The following PITRM1 variants were observed in gnomAD, a reference collection of about 807,000 sequenced individuals.
PITRM1 encodes the protein pitrilysin metallopeptidase 1, also known as presequence protease, mitochondrial.
In PITRM1, 100 loss-of-function variants were observed where a neutral mutation model predicts 129.9. That is an observed-to-expected ratio of 0.77 (90% CI 0.65 to 0.91). The LOEUF is 0.91. Ranked by LOEUF, PITRM1 falls within the 40% of genes least tolerant of loss-of-function variation. PITRM1 has a pLI of 0.00. For synonymous variants in PITRM1, 591 were observed against 508.8 expected, an observed-to-expected ratio of 1.16 and a Z score of -2.17; for missense variants, 1,471 against 1,318.3, an observed-to-expected ratio of 1.12 and a Z score of -1.79.
rs575669643 is a variant in PITRM1 at position 3,166,765 on chromosome 10, G to A, written c.266+171C>T. Among the ~76,000 whole-genome samples the A allele has an allele frequency of 3.9e-5, 6 of 152,262 alleles. No individual in the cohort carries two copies. In the East Asian group the frequency reaches 1.2e-3, roughly 29 times the overall value. ...ATACACTTTCTTAAAACATTGAGGG[G>A]TCCTTTATTTATTATTTTTAGCTCA... On this transcript the variant is annotated intron_variant, in intron 3 of 26. Coordinates refer to ENST00000224949, the MANE Select transcript of PITRM1 (RefSeq NM_014889.4).
rs2388556 is a variant in PITRM1, at chr10:3,149,631, C to T, written c.1861G>A (p.Val621Ile). 258,640 of 1,566,790 alleles carry T rather than the reference C, an allele frequency of 0.17. 22,192 individuals are homozygous for T. Among genetic ancestry groups the T allele is most frequent in the Non-Finnish European group, 0.18 (204,718 of 1,159,490 alleles). ...LRPYVPLFCS[V>I]LTKLGCGLLD... ...TGTTGCGACTCGTACTTGGTGAGGA[C>T]GCTGCAGAAGAGGGGCACATAGGGC... The change falls in exon 16 of 27, where the codon GTC (valine) becomes ATC (isoleucine). Residue 621 changes from valine (V) to isoleucine (I), a missense_variant. Coordinates refer to ENST00000224949, the MANE Select transcript of PITRM1 (RefSeq NM_014889.4).
intron 13 of PITRM1, 148 bp from the exon 14 acceptor site, chr10:3,155,877 G>T: frequency 1.1e-6 from 1 of 887,170 alleles, no homozygotes; most frequent in Non-Finnish European, 1.7e-6. Context: ...CACCTCAAGA[G>T]TTGTTTTGCT....
At chr10:3,139,823 G>A (rs1468302901) in intron 24 of PITRM1, among the ~76,000 whole-genome samples, 2 of 152,210 alleles carry the variant, frequency 1.3e-5, no homozygotes, top group African/African-American at 2.4e-5. Flanking sequence ...ACTGCGGCCG[G>A]CTGGCTCCTT....
At chr10:3,169,339 C>G (rs1239866222) in intron 2 of PITRM1, among the ~76,000 whole-genome samples, 3 of 152,174 alleles carry the variant, frequency 2.0e-5, no homozygotes, top group African/African-American at 7.2e-5. Context: ...GCCACGTTCT[C>G]ACACCACCCT....
At chr10:3,160,760 TG>T (rs200849519) in intron 7 of PITRM1, among the ~76,000 whole-genome samples, 51 of 143,532 alleles carry the variant, frequency 3.6e-4, no homozygotes, top group East Asian at 6.0e-4. Flanking sequence ...TTGGTTTTGG[TG>T]GGGGGTTTTT....
chr10:3,158,666 T>TG (rs1345423740), intron 10 of PITRM1, among the ~76,000 whole-genome samples: 2 of 152,198 alleles, frequency 1.3e-5, no homozygotes, highest in Non-Finnish European at 2.9e-5. Flanking sequence ...AATGTCCCCT[T>TG]GGGGGGACAC....
intron 19 of PITRM1, 44 bp from the exon 20 acceptor site, chr10:3,147,294 C>A (rs147021270): frequency 6.5e-6 from 9 of 1,391,786 alleles, no homozygotes; most frequent in Non-Finnish European, 9.2e-6. Context: ...GAGGCTACAA[C>A]AGACCCGCTG....
At chr10:3,145,459 T>C (rs1840754379) in intron 21 of PITRM1, 137 bp downstream of exon 21, 2 of 707,022 alleles carry the variant, frequency 2.8e-6, no homozygotes, top group Non-Finnish European at 4.6e-6. Context: ...TGAACCTCAG[T>C]TTCTTCATCT....
In PITRM1 at chr10:3,148,069, C is replaced by T. The variant is rs762256977; in HGVS notation, c.1993-6G>A. 1.2e-6 allele frequency: 2 copies of T among 1,613,636 alleles called. No individual in the cohort carries two copies. The highest frequency in any genetic ancestry group is 1.7e-6 in the Non-Finnish European group (2 of 1,179,704). ...AGAGAGGAGAAAAGCACACCCTGAA[C>T]CAAAGAAAACACAGAAGAAAGGAAT... On this transcript the variant is annotated splice_polypyrimidine_tract_variant and splice_region_variant and intron_variant, in intron 17 of 26. Transcript: ENST00000224949.
chr10:3,155,702 T>A lies in PITRM1; in HGVS notation c.1510A>T (p.Met504Leu). 1.2e-6 allele frequency: 2 copies of A among 1,613,888 alleles called. No homozygotes were observed. Among genetic ancestry groups the A allele is most frequent in the Non-Finnish European group, 1.7e-6 (2 of 1,179,886 alleles). ...KNNQHKLTLS[M>L]RPDDKYHEKQ... ...TCGTGATACTTGTCATCTGGCCTCA[T>A]CGATAAAGTCAGCTTATGCTGGTTA... is the stretch of plus-strand genomic sequence containing the variant. The change falls in exon 14 of 27, where the codon ATG becomes TTG. Residue 504 changes from methionine to leucine, a missense_variant. Transcript: ENST00000224949.
At chr10:3,160,914 C>T (rs1327599463) in intron 7 of PITRM1, among the ~76,000 whole-genome samples, 1 of 152,204 alleles carries the variant, frequency 6.6e-6, no homozygotes, top group Admixed American at 6.6e-5. Context: ...GTGCCCACCA[C>T]CATGCCCAGC....
chr10:3,157,293 T>C (rs1000547062), intron 12 of PITRM1, 142 bp downstream of exon 12: 1 of 635,696 alleles, frequency 1.6e-6, no homozygotes, highest in African/African-American at 1.9e-5. Flanking sequence ...GTTTAGGAAA[T>C]AACCAACAGA....
rs568657973 is a variant in PITRM1 at position 3,148,281 on chromosome 10, C to G, written c.1882G>C (p.Gly628Arg). 6.2e-7 allele frequency: 1 copy of G among 1,610,900 alleles called. No individual in the cohort carries two copies. Among genetic ancestry groups the G allele is most frequent in the African/African-American group, 1.3e-5 (1 of 74,938 alleles). Residue 628 changes from glycine to arginine, a missense_variant, in exon 17 of 27, where the codon GGC (glycine) becomes CGC (arginine). Coordinates refer to ENST00000224949, the MANE Select transcript of PITRM1 (RefSeq NM_014889.4). ...FCSVLTKLGCGLLDYREQAQQ... is the reference protein window; with the variant it reads ...FCSVLTKLGCRLLDYREQAQQ... ...GCCTGCTCCCGGTAGTCAAGAAGGC[C>G]GCAGCCCAGCCTGACACAGCAGAGA...
chr10:3,138,423 G>C (rs936699813), intron 25 of PITRM1, 86 bp from the exon 26 acceptor site: 2 of 857,112 alleles, frequency 2.3e-6, no homozygotes, highest in Non-Finnish European at 2.0e-6. Context: ...AGGGGACACA[G>C]GCATCTCACT....
At chr10:3,151,406 A>C (rs1468187542) in intron 14 of PITRM1, 43 bp from the exon 15 acceptor site, 1 of 1,164,704 alleles carries the variant, frequency 8.6e-7, no homozygotes, top group Non-Finnish European at 1.3e-6. Flanking sequence ...GGCCATAATT[A>C]AAAGGTTTGA....
At chr10:3,160,645 A>G (rs1842368043) in intron 7 of PITRM1, among the ~76,000 whole-genome samples, 1 of 152,228 alleles carries the variant, frequency 6.6e-6, no homozygotes, top group African/African-American at 2.4e-5. Flanking sequence ...GGCTTCAGGC[A>G]TCTGCTGGAG....
chr10:3,170,227 GT>G, intron 1 of PITRM1, 21 bp from the exon 2 acceptor site: 1 of 1,547,506 alleles, frequency 6.5e-7, no homozygotes, highest in Non-Finnish European at 8.9e-7. Context: ...AGTCATCTAA[GT>G]TAGATGAGTT....
rs1163201032 is a variant in PITRM1, at chr10:3,143,232, A to C, written c.2645+157T>G. On this transcript the variant is annotated intron_variant, in intron 23 of 26. Coordinates refer to ENST00000224949, the MANE Select transcript of PITRM1 (RefSeq NM_014889.4). Reference sequence around the variant, plus strand: ...TCTCTGTTCACAAAGACTGCTGGTTAAAGAGGAGCACTCGTAGACTCACAC... The same window carrying C: ...TCTCTGTTCACAAAGACTGCTGGTTCAAGAGGAGCACTCGTAGACTCACAC... The C allele has an allele frequency of 8.2e-6, 5 of 606,106 alleles. No homozygotes were observed. In the East Asian group the frequency reaches 1.4e-4, roughly 17 times the overall value. The allele number at this position is 606,106 out of a possible 1,614,324, so 37.5% of individuals were successfully genotyped here. A position where few individuals can be genotyped will look rare whatever the true frequency, so the allele number is the denominator to read the frequency against.
intron 15 of PITRM1, among the ~76,000 whole-genome samples, chr10:3,150,576 C>A (rs899755765): frequency 7.2e-5 from 11 of 152,168 alleles, no homozygotes; most frequent in Admixed American, 5.9e-4. Context: ...TCACGTCCGG[C>A]CACACCCGCT....
Sources: gnomAD v4.1 joint callset for allele counts (sites outside exome capture counted in the v4.1 genomes callset) on GRCh38, gnomAD v4.1.1 for gene constraint, MANE v1.5 for transcripts, NCBI Gene and HGNC (gene_info 2026-07-23, HGNC 2026-07-21) for gene names.